Variants in ERG observed in about 807,000 individuals in gnomAD.
ERG encodes ETS transcription factor ERG, also known as transcriptional regulator ERG.
In ERG, 9 loss-of-function variants were observed where a neutral mutation model predicts 55.3. That is an observed-to-expected ratio of 0.16 (90% CI 0.10 to 0.28). ERG has a LOEUF of 0.28. Among genes scored for constraint, ERG ranks in the 10% least tolerant of loss-of-function variants. The pLI is 1.00. For synonymous variants in ERG, 223 were observed against 237.3 expected (o/e 0.94, Z 0.55); for missense variants, 434 against 631.6 (o/e 0.69, Z 3.35).
intron 2 of ERG, among the ~76,000 whole-genome samples, chr21:38,442,907 A>G (rs956131477): frequency 2.0e-5 from 3 of 152,112 alleles, no homozygotes; most frequent in Admixed American, 2.0e-4. Flanking sequence ...TCCCGGGTTC[A>G]TGCCATTCTC....
rs115122435 is a variant in ERG at position 38,451,535 on chromosome 21, T to C, written c.19-5914A>G. Among the ~76,000 whole-genome samples the C allele has an allele frequency of 3.1e-3, 472 of 152,316 alleles. 5 individuals carry two copies. Among genetic ancestry groups the C allele is most frequent in the African/African-American group, 0.011 (444 of 41,570 alleles). ...AGCCTATGCCACTTTGGGCGGCCTT[T>C]AGTGGATGTCTGCAGACCTAAGGAT... On this transcript the variant is annotated intron_variant, in intron 1 of 9. Transcript: ENST00000288319.
At chr21:38,474,386 A>G (rs1238829884) in intron 1 of ERG, among the ~76,000 whole-genome samples, 1 of 152,180 alleles carries the variant, frequency 6.6e-6, no homozygotes, top group East Asian at 1.9e-4. Flanking sequence ...TTTGTGACAC[A>G]TGATCTCCTT....
Position 38,383,938 on chromosome 21 carries a change from A to G in ERG, c.920-15T>C. 1 of 1,602,126 alleles carries G rather than the reference A, an allele frequency of 6.2e-7. No homozygotes were observed. The highest frequency in any genetic ancestry group is 8.5e-7 in the Non-Finnish European group (1 of 1,173,566). On this transcript the variant is annotated splice_polypyrimidine_tract_variant and intron_variant, in intron 9 of 9. Coordinates refer to ENST00000288319, the MANE Select transcript of ERG (RefSeq NM_182918.4). This position sits in a 1 kb window ranked among gnomAD's most constrained non-coding sequence, Gnocchi z 5.7. ...CTGGCCACTGCCTAATGAGGTCAGGAGAGGAAGGAAAACTCCAGTGAGCAC... is the reference window on the plus strand; with the variant it reads ...CTGGCCACTGCCTAATGAGGTCAGGGGAGGAAGGAAAACTCCAGTGAGCAC...
At chr21:38,649,505 A>G (rs1377430816) in intron 1 of ERG, among the ~76,000 whole-genome samples, 1 of 152,236 alleles carries the variant, frequency 6.6e-6, no homozygotes, top group African/African-American at 2.4e-5. Context: ...TTGTGTGTTT[A>G]GACCACTTGC....
chr21:38,399,447 G>A (rs1315220795), intron 6 of ERG, among the ~76,000 whole-genome samples: 2 of 152,116 alleles, frequency 1.3e-5, no homozygotes. Flanking sequence ...TGTGTATTCC[G>A]GATATGTGAT....
intron 1 of ERG, among the ~76,000 whole-genome samples, chr21:38,465,699 C>T (rs946552087): frequency 6.6e-6 from 1 of 152,090 alleles, no homozygotes; most frequent in Non-Finnish European, 1.5e-5. Flanking sequence ...GGGTTTGCTG[C>T]GTACTAAAAT....
chr21:38,458,997 AT>A (rs893298357), intron 1 of ERG, among the ~76,000 whole-genome samples: 3 of 151,980 alleles, frequency 2.0e-5, no homozygotes, highest in Non-Finnish European at 4.4e-5. Context: ...TGGCTTCCAT[AT>A]TCCTGCTATT....
At chr21:38,527,113 C>G (rs2059635394) in intron 2 of ERG, among the ~76,000 whole-genome samples, 1 of 152,194 alleles carries the variant, frequency 6.6e-6, no homozygotes. Flanking sequence ...GAGATGACCT[C>G]TCTGACCTCT....
chr21:38,505,948 A>G (rs1025615151), intron 2 of ERG, among the ~76,000 whole-genome samples: 3 of 152,216 alleles, frequency 2.0e-5, no homozygotes, highest in Non-Finnish European at 2.9e-5. Flanking sequence ...CCTTGAATTG[A>G]CATTATTTTA....
At chr21:38,569,783 G>A (rs140817055) in intron 2 of ERG, among the ~76,000 whole-genome samples, 123 of 151,752 alleles carry the variant, frequency 8.1e-4, no homozygotes, top group African/African-American at 2.3e-3. Context: ...CACATATTAC[G>A]TTTCTCTGAA....
intron 2 of ERG, among the ~76,000 whole-genome samples, chr21:38,574,412 AT>A (rs756093919): frequency 6.6e-5 from 10 of 152,218 alleles, no homozygotes; most frequent in Non-Finnish European, 8.8e-5. Context: ...CTGCTCCTCT[AT>A]GGCCTTGGGC....
intron 1 of ERG, among the ~76,000 whole-genome samples, chr21:38,468,494 CAT>C (rs2059109559): frequency 6.6e-6 from 1 of 152,136 alleles, no homozygotes. Flanking sequence ...TGACAAGAAT[CAT>C]GGGATGAATT....
At chr21:38,546,380 A>G (rs761806821) in intron 2 of ERG, among the ~76,000 whole-genome samples, 1 of 151,872 alleles carries the variant, frequency 6.6e-6, no homozygotes, top group Non-Finnish European at 1.5e-5. Flanking sequence ...CTTCAGTGCC[A>G]CTCTAGCACG....
intron 1 of ERG, among the ~76,000 whole-genome samples, chr21:38,464,713 C>A (rs956227276): frequency 6.6e-6 from 1 of 152,108 alleles, no homozygotes. Context: ...TATCCCTCAC[C>A]TACCCTCCTA....
Position 38,381,409 on chromosome 21 carries a change from C to T in ERG, c.*1994G>A. 1 of 1,062,980 alleles carries T rather than the reference C, an allele frequency of 9.4e-7. No homozygotes were observed. Among genetic ancestry groups the T allele is most frequent in the Non-Finnish European group, 1.1e-6 (1 of 877,862 alleles). The allele number at this position is 1,062,980 out of a possible 1,614,324, so 65.8% of individuals were successfully genotyped here. A position where few individuals can be genotyped will look rare whatever the true frequency, so the allele number is the denominator to read the frequency against. On this transcript the variant is annotated 3_prime_UTR_variant, in exon 10 of 10. Coordinates refer to ENST00000288319, the MANE Select transcript of ERG (RefSeq NM_182918.4). Reference sequence around the variant, plus strand: ...ACTGACTCTAGATTATGGAAATAAACATTGTCTTCAAGGGATAGCCAGCAA... The same window carrying T: ...ACTGACTCTAGATTATGGAAATAAATATTGTCTTCAAGGGATAGCCAGCAA...
chr21:38,648,315 G>A (rs16996660), intron 1 of ERG, among the ~76,000 whole-genome samples: 2,584 of 152,254 alleles, frequency 0.017, 76 homozygotes, highest in African/African-American at 0.059. Flanking sequence ...ATGGGGCCGC[G>A]ATGCTACCGC....
intron 1 of ERG, among the ~76,000 whole-genome samples, chr21:38,485,740 G>A (rs918917127): frequency 3.3e-5 from 5 of 151,774 alleles, no homozygotes; most frequent in African/African-American, 7.3e-5. Context: ...TTACAGGCAT[G>A]AGCCACCGCG....
intron 1 of ERG, among the ~76,000 whole-genome samples, chr21:38,493,835 C>G (rs977329662): frequency 7.2e-5 from 11 of 152,304 alleles, no homozygotes; most frequent in African/African-American, 2.2e-4. Context: ...CTGCCCAGAC[C>G]CAGATGTACC....
chr21:38,411,640 A>C (rs989432), intron 3 of ERG, among the ~76,000 whole-genome samples: 132,953 of 152,214 alleles, frequency 0.87, 58,492 homozygotes, highest in Non-Finnish European at 0.94. Context: ...CCGGTTTGTT[A>C]CTCTTTTGGC....
Sources: gnomAD v4.1 joint callset for allele counts (sites outside exome capture counted in the v4.1 genomes callset) on GRCh38, gnomAD v4.1.1 for gene constraint, Gnocchi (gnomAD v3.1) non-coding constraint, MANE v1.5 for transcripts, NCBI Gene and HGNC (gene_info 2026-07-23, HGNC 2026-07-21) for gene names.